The following SMYD4 variants were observed in gnomAD, a reference collection of about 807,000 sequenced individuals.
SMYD4 encodes SET and MYND domain containing 4, also known as protein-lysine N-methyltransferase SMYD4.
Under a neutral mutation model 72.8 loss-of-function variants are expected in SMYD4, and 68 were observed. The ratio of observed to expected loss-of-function variants is 0.93; its 90% CI spans 0.77 to 1.14. The LOEUF is 1.14. SMYD4 is among the 50% of genes most tolerant of loss of function. SMYD4 has a pLI of 0.00. For synonymous variants in SMYD4, 407 were observed against 388.6 expected (o/e 1.05, Z -0.56); for missense variants, 984 against 1,003.7 (o/e 0.98, Z 0.27).
chr17:1,787,438 C>T lies in SMYD4; in HGVS notation c.1704G>A (p.Glu568=), dbSNP rs776410566. The T allele has an allele frequency of 2.8e-5, 43 of 1,557,818 alleles. No individual in the cohort carries two copies. In the South Asian group the frequency reaches 4.5e-4, roughly 16 times the overall value. Residue 568 remains glutamate, a synonymous_variant, in exon 6 of 11, where the codon GAG becomes GAA. Coordinates refer to ENST00000305513, the MANE Select transcript of SMYD4 (RefSeq NM_052928.3). ...RASQRIRKGQ[E]ILHCYGPHKS... The stretch of plus-strand genomic sequence containing the variant: ...ATGGCTCACCATAGCAGTGGAGAAT[C>T]TCTTGCCCCTTTCTAATCCGCTGTG...
chr17:1,821,063 A>G (rs1276993692), intron 2 of SMYD4, among the ~76,000 whole-genome samples: 1 of 152,196 alleles, frequency 6.6e-6, no homozygotes. Flanking sequence ...CCCAGGGGAA[A>G]CGAGAGCAGT....
intron 3 of SMYD4, among the ~76,000 whole-genome samples, chr17:1,810,260 TGAA>T (rs1910260637): frequency 6.6e-6 from 1 of 151,850 alleles, no homozygotes; most frequent in South Asian, 2.1e-4. Flanking sequence ...AGAAGTTTCT[TGAA>T]GAAATTCAGA....
intron 5 of SMYD4, among the ~76,000 whole-genome samples, chr17:1,794,083 A>ATATATATATATATATATC (rs1909241413): frequency 8.9e-5 from 1 of 11,208 alleles, no homozygotes; most frequent in African/African-American, 3.0e-4. Context: ...ATATATGTGT[A>ATATATATATATATATATC]TATATATATA....
intron 3 of SMYD4, among the ~76,000 whole-genome samples, 175 bp downstream of exon 3, chr17:1,811,796 A>G (rs1194763944): frequency 6.6e-6 from 1 of 152,122 alleles, no homozygotes; most frequent in Non-Finnish European, 1.5e-5. Flanking sequence ...GCGTGGTGCC[A>G]CATGCCTGTA....
chr17:1,785,971 T>C (rs966847650), intron 7 of SMYD4, among the ~76,000 whole-genome samples: 3 of 152,218 alleles, frequency 2.0e-5, no homozygotes, highest in African/African-American at 2.4e-5. Flanking sequence ...CGATATCTAT[T>C]TTCTCATTTG....
intron 2 of SMYD4, among the ~76,000 whole-genome samples, chr17:1,817,328 G>A (rs986106605): frequency 2.0e-5 from 3 of 151,466 alleles, no homozygotes; most frequent in Admixed American, 6.6e-5. Flanking sequence ...GTGAGCCACC[G>A]CGCCTGGCCT....
At chr17:1,812,291 G>C (rs539151937) in intron 2 of SMYD4, among the ~76,000 whole-genome samples, 176 bp from the exon 3 acceptor site, 1 of 152,088 alleles carries the variant, frequency 6.6e-6, no homozygotes, top group Non-Finnish European at 1.5e-5. Context: ...GAGACACAGG[G>C]ACCAGAATTT....
chr17:1,814,093 C>T (rs1910465288), intron 2 of SMYD4, among the ~76,000 whole-genome samples: 1 of 152,100 alleles, frequency 6.6e-6, no homozygotes, highest in African/African-American at 2.4e-5. Context: ...GGAAGATTGC[C>T]TGAGCTCAGG....
chr17:1,824,406 G>C (rs1273145971), intron 2 of SMYD4, among the ~76,000 whole-genome samples: 1 of 151,988 alleles, frequency 6.6e-6, no homozygotes, highest in Non-Finnish European at 1.5e-5. Flanking sequence ...CTTTTGTTCC[G>C]GCACAGATCT....
At chr17:1,796,890 C>A (rs1474227237) in intron 5 of SMYD4, among the ~76,000 whole-genome samples, 1 of 152,106 alleles carries the variant, frequency 6.6e-6, no homozygotes, top group Non-Finnish European at 1.5e-5. Context: ...GAACCTAATT[C>A]TGGAAAAATA....
chr17:1,795,432 TATCTATCTATCTAATC>T (rs1567771926), intron 5 of SMYD4, among the ~76,000 whole-genome samples: 22 of 139,176 alleles, frequency 1.6e-4, no homozygotes, highest in Non-Finnish European at 3.1e-4. Flanking sequence ...TCTATCTATC[TATCTATCTATCTAATC>T]ATCTATCTAT....
intron 5 of SMYD4, among the ~76,000 whole-genome samples, chr17:1,797,805 C>A (rs899189724): frequency 1.3e-5 from 2 of 151,996 alleles, no homozygotes; most frequent in Admixed American, 1.3e-4. Context: ...AGTTCGAGAC[C>A]AGCCTGGCCA....
chr17:1,801,263 G>T (rs575533302), intron 4 of SMYD4, among the ~76,000 whole-genome samples: 1 of 151,756 alleles, frequency 6.6e-6, no homozygotes. Context: ...TTTTGAGACG[G>T]AGTCTCGCTC....
chr17:1,825,209 A>G (rs947115085), intron 2 of SMYD4, among the ~76,000 whole-genome samples: 3 of 152,236 alleles, frequency 2.0e-5, no homozygotes, highest in Admixed American at 6.5e-5. Context: ...CATGCATTAA[A>G]TGCTACAGAA....
intron 3 of SMYD4, among the ~76,000 whole-genome samples, chr17:1,810,876 G>A (rs1910298762): frequency 6.6e-6 from 1 of 152,226 alleles, no homozygotes; most frequent in African/African-American, 2.4e-5. Flanking sequence ...TGGTAAAGAG[G>A]TGGGCCTCTG....
At chr17:1,818,541 CTAATA>C (rs774491045) in intron 2 of SMYD4, among the ~76,000 whole-genome samples, 1 of 152,154 alleles carries the variant, frequency 6.6e-6, no homozygotes, top group African/African-American at 2.4e-5. Context: ...CCAATTATTC[CTAATA>C]TGTCTGTTGT....
At chr17:1,783,570 G>A in intron 8 of SMYD4, 94 bp from the exon 9 acceptor site, 1 of 1,509,260 alleles carries the variant, frequency 6.6e-7, no homozygotes, top group Non-Finnish European at 8.9e-7. Context: ...CAGCTGGGCT[G>A]AATGTGGAAA....
intron 5 of SMYD4, among the ~76,000 whole-genome samples, chr17:1,796,333 G>T (rs1362217495): frequency 4.7e-5 from 6 of 126,534 alleles, no homozygotes; most frequent in Non-Finnish European, 9.6e-5. Flanking sequence ...GATGGGTCTT[G>T]CTCTGTTGCC....
intron 2 of SMYD4, among the ~76,000 whole-genome samples, chr17:1,812,545 C>CTTTTTTT (rs71150818): frequency 6.3e-5 from 4 of 63,702 alleles, no homozygotes; most frequent in Non-Finnish European, 1.2e-4. Flanking sequence ...AGCAGAATTT[C>CTTTTTTT]TTTTTTTTTT....
Sources: gnomAD v4.1 joint callset for allele counts (sites outside exome capture counted in the v4.1 genomes callset) on GRCh38, gnomAD v4.1.1 for gene constraint, MANE v1.5 for transcripts, NCBI Gene and HGNC (gene_info 2026-07-23, HGNC 2026-07-21) for gene names.